The following AFF3 variants were observed in gnomAD, a reference collection of about 807,000 sequenced individuals.
AFF3 encodes the protein ALF transcription elongation factor 3, also known as AF4/FMR2 family member 3.
In AFF3, 32 loss-of-function variants were observed where a neutral mutation model predicts 129.7. That is an observed-to-expected ratio of 0.25 (90% CI 0.19 to 0.33). The LOEUF is 0.33. Ranked by LOEUF, AFF3 falls within the 10% of genes least tolerant of loss-of-function variation. AFF3 has a pLI of 1.00. For missense variants in AFF3, 1,373 were observed against 1,592.0 expected (o/e 0.86, Z 2.34); for synonymous variants, 644 against 635.4 (o/e 1.01, Z -0.20).
intron 11 of AFF3, among the ~76,000 whole-genome samples, chr2:99,726,550 A>T (rs1679378707): frequency 6.6e-6 from 1 of 152,248 alleles, no homozygotes; most frequent in Non-Finnish European, 1.5e-5. Context: ...GAAGAAACAG[A>T]CAAAACATAG....
rs888194015 is a variant in AFF3, at chr2:99,739,958, C to T, written c.1039+4146G>A. Among the ~76,000 whole-genome samples the T allele has an allele frequency of 1.6e-4, 18 of 114,088 alleles. No individual in the cohort carries two copies. The Admixed American group carries it at 1.9e-3, about 12-fold the overall frequency. The allele number at this position is 114,088 out of a possible 152,430, so 74.8% of individuals were successfully genotyped here. A position where few individuals can be genotyped will look rare whatever the true frequency, so the allele number is the denominator to read the frequency against. On this transcript the variant is annotated intron_variant, in intron 10 of 24. Coordinates refer to ENST00000672756, the MANE Select transcript of AFF3 (RefSeq NM_001386135.1). Reference sequence around the variant, plus strand: ...GGTATATCTCCTAAAGCTATCCCTCCCCCCTCCCCCCACCCCACAACAGTC... The same window carrying T: ...GGTATATCTCCTAAAGCTATCCCTCTCCCCTCCCCCCACCCCACAACAGTC...
intron 4 of AFF3, among the ~76,000 whole-genome samples, chr2:100,036,152 A>C (rs1288430729): frequency 2.7e-5 from 4 of 150,450 alleles, no homozygotes; most frequent in Non-Finnish European, 4.4e-5. Context: ...AAAAAAAAAA[A>C]AAAAAAAACA....
intron 4 of AFF3, among the ~76,000 whole-genome samples, chr2:100,052,198 A>C (rs143531889): frequency 6.6e-6 from 1 of 152,328 alleles, no homozygotes; most frequent in African/African-American, 2.4e-5. Context: ...ACCTTAATCT[A>C]GGGATGAGCA....
chr2:99,699,619 AG>A (rs35521837), intron 11 of AFF3, among the ~76,000 whole-genome samples: 74,820 of 151,948 alleles, frequency 0.49, 18,543 homozygotes, highest in East Asian at 0.66. Flanking sequence ...AGAGGTGGGC[AG>A]TGGCACAGGC....
chr2:100,108,731 G>T (rs1465758323), intron 2 of AFF3, among the ~76,000 whole-genome samples: 1 of 152,078 alleles, frequency 6.6e-6, no homozygotes, highest in Non-Finnish European at 1.5e-5. Context: ...ATCTGTCCCT[G>T]CAGCCAGCTT....
chr2:99,546,189 T>C lies in AFF3; in HGVS notation c.*5285A>G, dbSNP rs76896514. ...TTACTTTTTACAAATATAATTCTTA[T>C]AGGGACAGACTTCAGCTGTGTAGCA... On this transcript the variant is annotated 3_prime_UTR_variant, in exon 25 of 25. Coordinates refer to ENST00000672756, the MANE Select transcript of AFF3 (RefSeq NM_001386135.1). The C allele has an allele frequency of 8.6e-3, 1,977 of 230,880 alleles. 35 individuals carry two copies. Among genetic ancestry groups the C allele is most frequent in the African/African-American group, 0.037 (1,693 of 45,346 alleles). The allele number at this position is 230,880 out of a possible 1,614,324, so 14.3% of individuals were successfully genotyped here.
intron 2 of AFF3, among the ~76,000 whole-genome samples, chr2:100,128,172 T>C (rs1692280349): frequency 1.3e-5 from 2 of 152,182 alleles, no homozygotes; most frequent in South Asian, 2.1e-4. Context: ...GCCATAAAAA[T>C]GGGCAACCAG....
chr2:99,862,497 C>T (rs939281293), intron 7 of AFF3, among the ~76,000 whole-genome samples: 1 of 152,220 alleles, frequency 6.6e-6, no homozygotes, highest in South Asian at 2.1e-4. Context: ...TCCATTTTCA[C>T]AGCCTTATCT....
At chr2:99,771,177 A>G (rs1683446501) in intron 8 of AFF3, among the ~76,000 whole-genome samples, 1 of 152,202 alleles carries the variant, frequency 6.6e-6, no homozygotes, top group African/African-American at 2.4e-5. Flanking sequence ...CAAACACTGC[A>G]TGTTTTCACT....
chr2:99,785,959 G>A (rs1272265636), intron 8 of AFF3, among the ~76,000 whole-genome samples: 2 of 152,126 alleles, frequency 1.3e-5, no homozygotes, highest in Non-Finnish European at 2.9e-5. Context: ...ATGTTGGCCA[G>A]GCTGGTCTCG....
intron 7 of AFF3, among the ~76,000 whole-genome samples, chr2:99,964,340 T>C (rs1235820270): frequency 6.6e-6 from 1 of 152,184 alleles, no homozygotes; most frequent in Non-Finnish European, 1.5e-5. Flanking sequence ...TTCATCATGA[T>C]AGAGCATATT....
At chr2:99,863,689 T>A (rs1267645229) in intron 7 of AFF3, among the ~76,000 whole-genome samples, 1 of 152,242 alleles carries the variant, frequency 6.6e-6, no homozygotes, top group East Asian at 1.9e-4. Context: ...AAACAGGGTA[T>A]ATCCAGAAGT....
In AFF3 at chr2:99,568,569, A is replaced by C. The variant is rs1676190351; in HGVS notation, c.2982+283T>G. Among the ~76,000 whole-genome samples the C allele has an allele frequency of 5.3e-5, 8 of 152,310 alleles. 1 individual carries two copies. The South Asian group carries it at 1.7e-3, about 32-fold the overall frequency. On this transcript the variant is annotated intron_variant, in intron 19 of 24. Coordinates refer to ENST00000672756, the MANE Select transcript of AFF3 (RefSeq NM_001386135.1). ...AGATTTTACTTTTTAAAGGAAAAAA[A>C]AATACTACCGCCCACTGCCTCCACT...
chr2:99,601,162 A>C (rs1053636618), intron 14 of AFF3, among the ~76,000 whole-genome samples: 2 of 152,160 alleles, frequency 1.3e-5, no homozygotes, highest in African/African-American at 4.8e-5. Context: ...TGATGTTTAT[A>C]GCATACTTGG....
In AFF3 at chr2:100,006,964, G is replaced by A. The variant is rs1462942532; in HGVS notation, c.541C>T (p.Pro181Ser). 2 of 1,613,880 alleles carry A rather than the reference G, an allele frequency of 1.2e-6. No individual in the cohort carries two copies. The change falls in exon 7 of 25, where the codon CCT becomes TCT. Residue 181 changes from proline to serine, a missense_variant. Pro to Ser is a moderately conservative substitution (Grantham distance 74). Around this residue, in one of 9 missense-constraint regions of AFF3, gnomAD observed 255 missense variants for 256.0 expected, o/e 1.00. Coordinates refer to ENST00000672756, the MANE Select transcript of AFF3 (RefSeq NM_001386135.1). ...LLGDGVGRQQPRAKQVCNVEV... is the reference protein window; with the variant it reads ...LLGDGVGRQQSRAKQVCNVEV... ...ACATTGCACACTTGTTTGGCCCGAG[G>A]CTGCTGTCTGCCAACACCATCTCCA...
At chr2:99,715,267 AAC>A (rs1351530922) in intron 11 of AFF3, among the ~76,000 whole-genome samples, 1 of 152,226 alleles carries the variant, frequency 6.6e-6, no homozygotes, top group Admixed American at 6.5e-5. Flanking sequence ...TACCACCCTT[AAC>A]ATCTTCTTAG....
At chr2:99,710,708 C>T (rs1460930197) in intron 11 of AFF3, among the ~76,000 whole-genome samples, 2 of 152,134 alleles carry the variant, frequency 1.3e-5, no homozygotes, top group Non-Finnish European at 2.9e-5. Context: ...TGGTCACCTG[C>T]CCATTATCTC....
At chr2:100,013,092 TA>T (rs903414104) in intron 4 of AFF3, among the ~76,000 whole-genome samples, 3 of 152,022 alleles carry the variant, frequency 2.0e-5, no homozygotes, top group Admixed American at 6.6e-5. Context: ...TTTTTAGAAT[TA>T]AAAAAAATAG....
chr2:99,757,677 T>C (rs1682235048), intron 8 of AFF3, among the ~76,000 whole-genome samples: 1 of 152,180 alleles, frequency 6.6e-6, no homozygotes, highest in Non-Finnish European at 1.5e-5. Context: ...ATCCAAGACC[T>C]TGTATATTCT....
Sources: gnomAD v4.1 joint callset for allele counts (sites outside exome capture counted in the v4.1 genomes callset) on GRCh38, gnomAD v4.1.1 for gene constraint, gnomAD v4.1.1 regional missense constraint, MANE v1.5 for transcripts, NCBI Gene and HGNC (gene_info 2026-07-23, HGNC 2026-07-21) for gene names.